Variants in DLGAP3 observed in about 807,000 individuals in gnomAD.
The protein encoded by DLGAP3 is DLG associated protein 3.
Under a neutral mutation model 81.2 loss-of-function variants are expected in DLGAP3, and 17 were observed. The observed-to-expected ratio is 0.21, with a 90% CI of 0.14 to 0.31. DLGAP3 has a LOEUF of 0.31. Among genes scored for constraint, DLGAP3 ranks in the 10% least tolerant of loss-of-function variants. The probability of loss-of-function intolerance (pLI) is 1.00; values close to 1 mark genes in which losing one functional copy is unlikely to be tolerated. For synonymous variants in DLGAP3, 577 were observed against 587.4 expected (o/e 0.98, Z 0.26); for missense variants, 1,124 against 1,388.0 (o/e 0.81, Z 3.02).
chr1:34,897,535 G>A (rs1639397344), intron 5 of DLGAP3, among the ~76,000 whole-genome samples: 1 of 152,258 alleles, frequency 6.6e-6, no homozygotes, highest in African/African-American at 2.4e-5. Context: ...CTTAGGAGAG[G>A]AACTCAGAGG....
At chr1:34,903,841 C>T (rs996293413) in intron 3 of DLGAP3, among the ~76,000 whole-genome samples, 12 of 152,190 alleles carry the variant, frequency 7.9e-5, no homozygotes, top group African/African-American at 1.4e-4. Context: ...GTGGGCCATC[C>T]GGATTATAGC....
rs370715941 is a variant in DLGAP3, at chr1:34,885,535, C to T, written c.1857G>A (p.Arg619=). The change falls in exon 7 of 12, where the codon AGG becomes AGA. Residue 619 remains arginine (R), a synonymous_variant. Coordinates refer to ENST00000373347, the MANE Select transcript of DLGAP3 (RefSeq NM_001080418.3). ...PTLIIKTIPG[R]EELRSLARQR... ...GCCGCGCCAGGCTCCGCAGCTCCTC[C>T]CTGCCAGGGATGGTCTTGATGATGA... 3 of 1,608,948 alleles carry T rather than the reference C, an allele frequency of 1.9e-6. No individual in the cohort carries two copies. Among genetic ancestry groups the T allele is most frequent in the African/African-American group, 1.3e-5 (1 of 74,940 alleles).
intron 8 of DLGAP3, among the ~76,000 whole-genome samples, chr1:34,876,026 T>A (rs1230497233): frequency 2.6e-5 from 4 of 152,260 alleles, no homozygotes; most frequent in African/African-American, 9.6e-5. Context: ...TTAGATTAAC[T>A]TCGTGGTAAG....
At chr1:34,870,573 A>G (rs1638965379) in intron 8 of DLGAP3, among the ~76,000 whole-genome samples, 1 of 152,202 alleles carries the variant, frequency 6.6e-6, no homozygotes, top group Non-Finnish European at 1.5e-5. Flanking sequence ...CATAGAAACC[A>G]GGCCCAGAAG....
chr1:34,868,891 C>G lies in DLGAP3; in HGVS notation c.2199G>C (p.Thr733=), dbSNP rs771067661. 2 of 1,602,986 alleles carry G rather than the reference C, an allele frequency of 1.2e-6. No homozygotes were observed. The highest frequency in any genetic ancestry group is 1.7e-6 in the Non-Finnish European group (2 of 1,178,448). Residue 733 remains threonine (T), a synonymous_variant, in exon 9 of 12, where the codon ACG becomes ACC. Coordinates refer to ENST00000373347, the MANE Select transcript of DLGAP3 (RefSeq NM_001080418.3). The surrounding 1 kb of genome is among the most constrained non-coding windows in gnomAD (Gnocchi z 7.5). ...PTYSVFRTVH[T]QGQWAYREGY... Reference sequence around the variant, plus strand: ...CCTCGCGGTAGGCCCACTGGCCCTGCGTGTGGACCGTGCGGAAGACTGAGT... The same window carrying G: ...CCTCGCGGTAGGCCCACTGGCCCTGGGTGTGGACCGTGCGGAAGACTGAGT...
intron 8 of DLGAP3, among the ~76,000 whole-genome samples, chr1:34,874,112 T>A (rs751693303): frequency 9.2e-5 from 14 of 152,108 alleles, no homozygotes; most frequent in Non-Finnish European, 1.9e-4. Flanking sequence ...TCCTTCCCGA[T>A]CACCAGAATG....
chr1:34,911,341 T>C (rs1318153818), intron 1 of DLGAP3, among the ~76,000 whole-genome samples: 2 of 152,186 alleles, frequency 1.3e-5, no homozygotes, highest in African/African-American at 4.8e-5. Context: ...CCATGTGTGG[T>C]GAGCACTGAG....
chr1:34,928,938 C>T (rs1016704650), intron 1 of DLGAP3, among the ~76,000 whole-genome samples: 1 of 151,998 alleles, frequency 6.6e-6, no homozygotes, highest in Non-Finnish European at 1.5e-5. Flanking sequence ...AACATGCACA[C>T]ACACTCTCGC....
chr1:34,889,489 C>T (rs1486079490), intron 5 of DLGAP3, among the ~76,000 whole-genome samples: 3 of 152,244 alleles, frequency 2.0e-5, no homozygotes, highest in Admixed American at 6.5e-5. Context: ...TTACAGGAGA[C>T]TCAAAGTCAA....
Position 34,868,738 on chromosome 1 carries a change from G to A in DLGAP3, c.2352C>T (p.Asp784=), listed in dbSNP as rs1226922219. The change falls in exon 9 of 12, where the codon GAC becomes GAT. Residue 784 remains aspartate, a synonymous_variant. Transcript: ENST00000373347. This position sits in a 1 kb window ranked among gnomAD's most constrained non-coding sequence, Gnocchi z 7.5. ...WIERGSRSLP[D]SGRASPCPRD... ...GTGGGCAGGGGGATGCGCGGCCTGA[G>A]TCGGGGAGGCTACGTGAACCGCGCT... is the stretch of plus-strand genomic sequence containing the variant. 1 of 1,608,906 alleles carries A rather than the reference G, an allele frequency of 6.2e-7. No homozygotes were observed. Among genetic ancestry groups the A allele is most frequent in the Non-Finnish European group, 8.5e-7 (1 of 1,179,928 alleles).
rs1005216004 is a variant in DLGAP3 at position 34,929,138 on chromosome 1, T to A, written c.-135+313A>T. Among the ~76,000 whole-genome samples, 2 of 151,764 alleles carry A rather than the reference T, an allele frequency of 1.3e-5. No homozygotes were observed. The highest frequency in any genetic ancestry group is 1.3e-4 in the Admixed American group (2 of 15,252). On this transcript the variant is annotated intron_variant, in intron 1 of 11. Transcript: ENST00000373347. The surrounding 1 kb of genome is among the most constrained non-coding windows in gnomAD (Gnocchi z 6.5). ...CCCCCACAACCAGCTGGCTACTCCCTCCCAGACCCGAGCCTCCAGCCGGGC... is the reference window on the plus strand; with the variant it reads ...CCCCCACAACCAGCTGGCTACTCCCACCCAGACCCGAGCCTCCAGCCGGGC...
chr1:34,920,659 C>A (rs867017890), intron 1 of DLGAP3, among the ~76,000 whole-genome samples: 8 of 152,172 alleles, frequency 5.3e-5, no homozygotes, highest in Admixed American at 5.2e-4. Flanking sequence ...CCTAACTGGT[C>A]TCCCTGCCTT....
intron 8 of DLGAP3, 91 bp from the exon 9 acceptor site, chr1:34,869,180 A>G: frequency 1.1e-6 from 1 of 930,262 alleles, no homozygotes; most frequent in Non-Finnish European, 1.6e-6. Flanking sequence ...GGGAATGAGA[A>G]AGGGAACCTA....
intron 8 of DLGAP3, among the ~76,000 whole-genome samples, chr1:34,884,741 G>A (rs565293642): frequency 1.3e-5 from 2 of 152,176 alleles, no homozygotes; most frequent in South Asian, 2.1e-4. Context: ...TGTATCTCCC[G>A]TCTGCCTCTG....
chr1:34,869,669 T>C (rs2148392789), intron 8 of DLGAP3, among the ~76,000 whole-genome samples: 1 of 152,054 alleles, frequency 6.6e-6, no homozygotes, highest in African/African-American at 2.4e-5. Flanking sequence ...AGAGACAGGG[T>C]TTCTCCATGT....
intron 8 of DLGAP3, among the ~76,000 whole-genome samples, chr1:34,874,325 T>C (rs1007285330): frequency 6.6e-6 from 1 of 152,302 alleles, no homozygotes; most frequent in East Asian, 1.9e-4. Flanking sequence ...CACTGTTGTT[T>C]GGGGGGTTTT....
Position 34,904,821 on chromosome 1 carries a change from T to A in DLGAP3, c.563A>T (p.Glu188Val). The A allele has an allele frequency of 6.2e-7, 1 of 1,610,270 alleles. No individual in the cohort carries two copies. The highest frequency in any genetic ancestry group is 2.2e-5 in the East Asian group (1 of 44,870). ...QKLFAKSHSL[E>V]APGKRDYNGP... is the part of the protein sequence containing the mutation. The stretch of plus-strand genomic sequence containing the variant: ...ATTATAGTCCCGCTTCCCCGGCGCC[T>A]CCAGAGAGTGGGACTTGGCAAAGAG... The change falls in exon 3 of 12, where the codon GAG (glutamate) becomes GTG (valine). Residue 188 changes from glutamate (E) to valine (V), a missense_variant. Around this residue, in one of 9 missense-constraint regions of DLGAP3, gnomAD observed 65 missense variants for 78.2 expected, o/e 0.83. Coordinates refer to ENST00000373347, the MANE Select transcript of DLGAP3 (RefSeq NM_001080418.3). This position sits in a 1 kb window ranked among gnomAD's most constrained non-coding sequence, Gnocchi z 8.1.
intron 1 of DLGAP3, among the ~76,000 whole-genome samples, chr1:34,916,647 TTTTA>T (rs1299776872): frequency 2.1e-3 from 1 of 470 alleles, no homozygotes; most frequent in Non-Finnish European, 0.033. Context: ...TACTTTTATT[TTTTA>T]TTTTATTTTA....
Position 34,909,503 on chromosome 1 carries a change from T to C in DLGAP3, c.-134-2066A>G, listed in dbSNP as rs143769161. ...AATAGGTATCAAATAATAAAATCACTCTTACAAACTCTAAAACATTAATAC... is the reference window on the plus strand; with the variant it reads ...AATAGGTATCAAATAATAAAATCACCCTTACAAACTCTAAAACATTAATAC... On this transcript the variant is annotated intron_variant, in intron 1 of 11. Coordinates refer to ENST00000373347, the MANE Select transcript of DLGAP3 (RefSeq NM_001080418.3). Among the ~76,000 whole-genome samples, 944 of 152,266 alleles carry C rather than the reference T, an allele frequency of 6.2e-3. 3 individuals carry two copies. Among genetic ancestry groups the C allele is most frequent in the Non-Finnish European group, 9.9e-3 (676 of 68,022 alleles).
Sources: gnomAD v4.1 joint callset for allele counts (sites outside exome capture counted in the v4.1 genomes callset) on GRCh38, gnomAD v4.1.1 for gene constraint, gnomAD v4.1.1 regional missense constraint, Gnocchi (gnomAD v3.1) non-coding constraint, MANE v1.5 for transcripts, NCBI Gene and HGNC (gene_info 2026-07-23, HGNC 2026-07-21) for gene names.